Variants in CTNNA3 observed in about 807,000 individuals in gnomAD.
CTNNA3 encodes catenin alpha-3.
A neutral mutation model predicts 95.7 loss-of-function variants in CTNNA3; 76 were observed. That is an observed-to-expected ratio of 0.79 (90% confidence interval 0.66 to 0.96). The LOEUF (loss-of-function observed/expected upper bound fraction) is 0.96, where lower values mean the gene tolerates loss of function less well. Ranked by LOEUF, CTNNA3 falls within the 40% of genes least tolerant of loss-of-function variation. CTNNA3 has a pLI of 0.00. For synonymous variants in CTNNA3, 431 were observed against 374.4 expected, an observed-to-expected ratio of 1.15 and a Z score of -1.74; for missense variants, 1,191 against 1,089.8, an observed-to-expected ratio of 1.09 and a Z score of -1.31.
intron 9 of CTNNA3, among the ~76,000 whole-genome samples, chr10:66,668,422 A>ATGTGTGTGTGTGTGTG (rs3055580): frequency 1.0e-4 from 15 of 146,910 alleles, no homozygotes; most frequent in African/African-American, 3.3e-4. Context: ...CAACTCTCAT[A>ATGTGTGTGTGTGTGTG]TGTGTGTGTG....
At chr10:66,915,362 T>C (rs763264953) in intron 7 of CTNNA3, among the ~76,000 whole-genome samples, 3 of 152,124 alleles carry the variant, frequency 2.0e-5, no homozygotes, top group Non-Finnish European at 4.4e-5. Context: ...AGTAATTCAA[T>C]GTCTCAAAGA....
chr10:67,650,495 G>T (rs1839845305), intron 1 of CTNNA3, among the ~76,000 whole-genome samples: 1 of 152,126 alleles, frequency 6.6e-6, no homozygotes, highest in Non-Finnish European at 1.5e-5. Context: ...CCAAGGCAGG[G>T]CAAACCCAAC....
At chr10:66,516,064 G>GTAAAAAAA in intron 11 of CTNNA3, among the ~76,000 whole-genome samples, 1 of 141,250 alleles carries the variant, frequency 7.1e-6, no homozygotes, top group African/African-American at 2.6e-5. Context: ...TAATTATCTG[G>GTAAAAAAA]AAAAAAAAAA....
At chr10:66,133,348 C>T (rs1424258751) in intron 13 of CTNNA3, among the ~76,000 whole-genome samples, 1 of 151,906 alleles carries the variant, frequency 6.6e-6, no homozygotes, top group Non-Finnish European at 1.5e-5. Context: ...AACCCCATCT[C>T]CACTAAAAAT....
chr10:66,774,706 A>C (rs1303730600), intron 8 of CTNNA3, among the ~76,000 whole-genome samples: 1 of 152,204 alleles, frequency 6.6e-6, no homozygotes, highest in Non-Finnish European at 1.5e-5. Context: ...TGAGTTAATG[A>C]TGACCAAGTG....
At chr10:66,596,082 A>G (rs565989967) in intron 10 of CTNNA3, among the ~76,000 whole-genome samples, 6 of 152,112 alleles carry the variant, frequency 3.9e-5, no homozygotes, top group African/African-American at 1.4e-4. Flanking sequence ...TTCCAAGGAG[A>G]CCCACTTCTG....
At chr10:66,600,078 A>T (rs969111927) in intron 10 of CTNNA3, among the ~76,000 whole-genome samples, 4 of 151,958 alleles carry the variant, frequency 2.6e-5, no homozygotes, top group Non-Finnish European at 5.9e-5. Context: ...TTTAACAACC[A>T]GGCTAACACA....
intron 10 of CTNNA3, among the ~76,000 whole-genome samples, chr10:66,577,913 G>C (rs2132185157): frequency 6.6e-6 from 1 of 152,086 alleles, no homozygotes; most frequent in African/African-American, 2.4e-5. Context: ...GCTTTTGGCA[G>C]TATGGTCACT....
chr10:66,136,023 T>A (rs749784494), intron 13 of CTNNA3, among the ~76,000 whole-genome samples: 3 of 151,662 alleles, frequency 2.0e-5, no homozygotes, highest in Non-Finnish European at 4.4e-5. Flanking sequence ...AGCCTCAACC[T>A]CCCAAGTAGC....
chr10:66,593,888 G>T (rs544426965), intron 10 of CTNNA3, among the ~76,000 whole-genome samples: 4 of 151,950 alleles, frequency 2.6e-5, no homozygotes, highest in Admixed American at 6.6e-5. Context: ...TTTGAACTAG[G>T]CCTCATTGCT....
chr10:66,642,541 C>T (rs1424105622), intron 9 of CTNNA3, among the ~76,000 whole-genome samples: 2 of 152,084 alleles, frequency 1.3e-5, no homozygotes, highest in Non-Finnish European at 1.5e-5. Context: ...ATTCAGTGTA[C>T]TATAACTGCT....
At chr10:66,357,943 A>G (rs1329670121) in intron 12 of CTNNA3, among the ~76,000 whole-genome samples, 2 of 152,094 alleles carry the variant, frequency 1.3e-5, no homozygotes, top group African/African-American at 4.8e-5. Flanking sequence ...CATCTTCCCC[A>G]ACACTCCTTA....
chr10:66,041,930 C>T (rs1201546075), intron 15 of CTNNA3, among the ~76,000 whole-genome samples: 1 of 152,124 alleles, frequency 6.6e-6, no homozygotes. Context: ...TTTCAGTTTC[C>T]TGCTCATGTC....
At chr10:67,056,314 A>G (rs1456054778) in intron 7 of CTNNA3, among the ~76,000 whole-genome samples, 1 of 152,128 alleles carries the variant, frequency 6.6e-6, no homozygotes, top group Non-Finnish European at 1.5e-5. Context: ...GGGTGAGGCA[A>G]TATTTCTCTG....
At chr10:66,714,072 A>AG (rs1848377785) in intron 9 of CTNNA3, among the ~76,000 whole-genome samples, 1 of 152,156 alleles carries the variant, frequency 6.6e-6, no homozygotes, top group Non-Finnish European at 1.5e-5. Context: ...TAAAGGCTTG[A>AG]GGCACTCTCC....
chr10:67,525,545 T>C (rs1840115635), intron 4 of CTNNA3, among the ~76,000 whole-genome samples: 1 of 152,166 alleles, frequency 6.6e-6, no homozygotes, highest in Non-Finnish European at 1.5e-5. Flanking sequence ...AATACATATA[T>C]AAATAAATCT....
chr10:66,286,847 T>G (rs1214238009), intron 12 of CTNNA3, among the ~76,000 whole-genome samples: 4 of 152,092 alleles, frequency 2.6e-5, no homozygotes, highest in African/African-American at 9.7e-5. Context: ...AGTAGAACCA[T>G]TTTTCCAACC....
intron 9 of CTNNA3, among the ~76,000 whole-genome samples, chr10:66,719,171 T>C (rs1044951048): frequency 4.6e-5 from 7 of 152,210 alleles, no homozygotes; most frequent in African/African-American, 1.7e-4. Flanking sequence ...GTTTATTTCA[T>C]TGCATTTTTA....
chr10:66,875,256 G>T (rs993160063), intron 7 of CTNNA3, among the ~76,000 whole-genome samples: 1 of 152,002 alleles, frequency 6.6e-6, no homozygotes, highest in African/African-American at 2.4e-5. Context: ...ATGAGGAAGG[G>T]CCAGGAACAT....
Sources: gnomAD v4.1 joint callset for allele counts (sites outside exome capture counted in the v4.1 genomes callset) on GRCh38, gnomAD v4.1.1 for gene constraint, MANE v1.5 for transcripts, NCBI Gene and HGNC (gene_info 2026-07-23, HGNC 2026-07-21) for gene names.